Variants in C2CD3 observed in about 807,000 individuals in gnomAD.
C2CD3 encodes the protein C2 domain containing 3 centriole elongation regulator, also known as C2 domain-containing protein 3.
C2CD3 carries 148 observed loss-of-function variants against 234.0 expected under a neutral mutation model. The ratio of observed to expected loss-of-function variants is 0.63; its 90% CI spans 0.55 to 0.72. The LOEUF (loss-of-function observed/expected upper bound fraction) is 0.72, where lower values mean the gene tolerates loss of function less well. Among genes scored for constraint, C2CD3 ranks in the 30% least tolerant of loss-of-function variants. The probability of loss-of-function intolerance (pLI) is 0.00; values close to 1 mark genes in which losing one functional copy is unlikely to be tolerated. For missense variants in C2CD3, 2,577 were observed against 2,811.5 expected, an observed-to-expected ratio of 0.92 and a Z score of 1.89; for synonymous variants, 1,000 against 1,035.4, an observed-to-expected ratio of 0.97 and a Z score of 0.66.
rs968749591 is a variant in C2CD3 at position 74,034,160 on chromosome 11, T to C, written c.6000A>G (p.Arg2000=). 6.5e-7 allele frequency: 1 copy of C among 1,536,088 alleles called. No homozygotes were observed. The highest frequency in any genetic ancestry group is 1.4e-5 in the African/African-American group (1 of 73,028). The change falls in exon 31 of 33, where the codon CGA becomes CGG. Residue 2000 remains arginine (R), a synonymous_variant. Transcript: ENST00000334126. The part of the protein sequence containing the change: ...DAQDTEALQE[R]CTMPDEPLVR... The stretch of plus-strand genomic sequence containing the variant: ...CCAATGGCTCATCTGGCATTGTGCA[T>C]CGTTCTTGCAGTGCTTCTGTGTCCT...
chr11:74,067,627 TATTACTAATGTA>T lies in C2CD3; in HGVS notation c.4951+6614_4951+6625del, dbSNP rs1277353831. ...ATGGAAATCAATAAAATAGTATTCATATTACTAATGTAAATGTATAAAATATCACTAATAGTA... is the reference window on the plus strand; with the variant it reads ...ATGGAAATCAATAAAATAGTATTCATAATGTATAAAATATCACTAATAGTA... On this transcript the variant is annotated intron_variant, in intron 24 of 32. Coordinates refer to ENST00000334126, the MANE Select transcript of C2CD3 (RefSeq NM_001286577.2). 9.2e-5 allele frequency among the ~76,000 whole-genome samples: 14 copies of T among 152,316 alleles called. No homozygotes were observed. In the East Asian group the frequency reaches 2.1e-3, roughly 23 times the overall value.
intron 7 of C2CD3, among the ~76,000 whole-genome samples, chr11:74,127,403 T>C (rs1054455774): frequency 2.0e-5 from 3 of 152,222 alleles, no homozygotes; most frequent in African/African-American, 4.8e-5. Flanking sequence ...CTCTACTGTA[T>C]GGATACTCCA....
At chr11:74,111,983 C>T (rs1051966024) in intron 11 of C2CD3, among the ~76,000 whole-genome samples, 2 of 151,404 alleles carry the variant, frequency 1.3e-5, no homozygotes, top group Non-Finnish European at 2.9e-5. Flanking sequence ...TATATATACA[C>T]ACACACATTA....
chr11:74,101,950 G>C (rs1027080928), intron 14 of C2CD3, among the ~76,000 whole-genome samples: 3 of 152,108 alleles, frequency 2.0e-5, no homozygotes, highest in African/African-American at 7.2e-5. Flanking sequence ...GTTCAGGTTA[G>C]TGTTTTAGAA....
chr11:74,031,649 C>T (rs773717473), intron 31 of C2CD3, among the ~76,000 whole-genome samples: 8 of 152,126 alleles, frequency 5.3e-5, no homozygotes, highest in African/African-American at 1.2e-4. Context: ...GGGAACTTCT[C>T]GAGGTAAGGT....
At chr11:74,105,007 T>G (rs1352646495) in intron 13 of C2CD3, among the ~76,000 whole-genome samples, 1 of 152,198 alleles carries the variant, frequency 6.6e-6, no homozygotes, top group Non-Finnish European at 1.5e-5. Context: ...TGTGTAAGTC[T>G]TTAAAGCAAA....
At chr11:74,120,280 C>T (rs1009489783) in intron 8 of C2CD3, among the ~76,000 whole-genome samples, 14 of 152,082 alleles carry the variant, frequency 9.2e-5, no homozygotes, top group African/African-American at 2.9e-4. Flanking sequence ...TTCCCCCAGC[C>T]CCCAACCACC....
At chr11:74,113,920 A>G in intron 10 of C2CD3, 28 bp from the exon 11 acceptor site, 1 of 1,308,232 alleles carries the variant, frequency 7.6e-7, no homozygotes, top group South Asian at 1.3e-5. Context: ...GTGATTAAAA[A>G]CTAACCAAAC....
intron 24 of C2CD3, among the ~76,000 whole-genome samples, chr11:74,067,850 C>G (rs2135453040): frequency 6.6e-6 from 1 of 152,244 alleles, no homozygotes; most frequent in African/African-American, 2.4e-5. Flanking sequence ...TGCAAATTGG[C>G]CTCTACCAAT....
chr11:74,094,280 A>G (rs977391380), intron 17 of C2CD3, among the ~76,000 whole-genome samples: 9 of 151,820 alleles, frequency 5.9e-5, no homozygotes, highest in African/African-American at 2.2e-4. Context: ...CATTTCCCAA[A>G]TAAGTAATGA....
At chr11:74,168,676 G>A (rs1172261209) in intron 1 of C2CD3, 63 bp from the exon 2 acceptor site, 1 of 1,433,574 alleles carries the variant, frequency 7.0e-7, no homozygotes, top group African/African-American at 1.4e-5. Flanking sequence ...CATATAATAT[G>A]CTTTTTGAAT....
rs776745860 is a variant in C2CD3 at position 74,168,420 on chromosome 11, A to G, written c.249T>C (p.Thr83=). The change falls in exon 2 of 33, where the codon ACT becomes ACC. Residue 83 remains threonine (T), a synonymous_variant. Coordinates refer to ENST00000334126, the MANE Select transcript of C2CD3 (RefSeq NM_001286577.2). ...TLFCPRDALQ[T]EPKAVRTTTR... ...TAGTTGTTCTCACAGCTTTTGGTTC[A>G]GTCTGCAATGCATCCCTGGGACAAA... is the stretch of plus-strand genomic sequence containing the variant. The G allele has an allele frequency of 8.1e-6, 13 of 1,614,174 alleles. No homozygotes were observed. In the South Asian group the frequency reaches 1.3e-4, roughly 16 times the overall value.
chr11:74,056,809 T>C (rs1463742589), intron 25 of C2CD3, among the ~76,000 whole-genome samples: 2 of 152,230 alleles, frequency 1.3e-5, no homozygotes, highest in African/African-American at 2.4e-5. Flanking sequence ...AGGTGTCTTA[T>C]TTATGAAGCC....
At chr11:74,077,965 C>CT in intron 23 of C2CD3, 150 bp downstream of exon 23, 1 of 937,644 alleles carries the variant, frequency 1.1e-6, no homozygotes, top group Non-Finnish European at 1.5e-6. Flanking sequence ...TCTGAGCCTC[C>CT]TTTTTTATGA....
At chr11:74,032,247 G>GT (rs1190305687) in intron 31 of C2CD3, among the ~76,000 whole-genome samples, 1 of 152,146 alleles carries the variant, frequency 6.6e-6, no homozygotes, top group East Asian at 1.9e-4. Flanking sequence ...AATTTTGTGG[G>GT]TCTAGAAGGG....
chr11:74,141,921 G>C (rs530772869), intron 3 of C2CD3, among the ~76,000 whole-genome samples: 4 of 152,056 alleles, frequency 2.6e-5, no homozygotes, highest in African/African-American at 9.6e-5. Flanking sequence ...AGGACTGCTT[G>C]AGCCCCGGAT....
chr11:74,140,745 C>T (rs759349600), intron 3 of C2CD3, among the ~76,000 whole-genome samples: 21 of 152,172 alleles, frequency 1.4e-4, no homozygotes, highest in Non-Finnish European at 1.9e-4. Context: ...AAAAGAAGGA[C>T]ATAACATTTT....
chr11:74,080,182 G>T (rs548608378), intron 22 of C2CD3, among the ~76,000 whole-genome samples: 5 of 152,122 alleles, frequency 3.3e-5, no homozygotes, highest in African/African-American at 1.2e-4. Context: ...AATTTTCTGC[G>T]AAATGTTTTA....
chr11:74,111,314 T>C (rs1284680406), intron 11 of C2CD3, among the ~76,000 whole-genome samples: 1 of 152,084 alleles, frequency 6.6e-6, no homozygotes, highest in African/African-American at 2.4e-5. Flanking sequence ...TCCAAAATGC[T>C]CCAAAATCCA....
Sources: gnomAD v4.1 joint callset for allele counts (sites outside exome capture counted in the v4.1 genomes callset) on GRCh38, gnomAD v4.1.1 for gene constraint, MANE v1.5 for transcripts, NCBI Gene and HGNC (gene_info 2026-07-23, HGNC 2026-07-21) for gene names.